The following FRAS1 variants were observed in gnomAD, a reference collection of about 807,000 sequenced individuals.
FRAS1 encodes Fraser extracellular matrix complex subunit 1.
In FRAS1, 290 loss-of-function variants were observed where a neutral mutation model predicts 435.2. The observed-to-expected ratio is 0.67, with a 90% CI of 0.61 to 0.73. FRAS1 has a LOEUF of 0.73. Among genes scored for constraint, FRAS1 ranks in the 30% least tolerant of loss-of-function variants. The pLI is 0.00. For synonymous variants in FRAS1, 1,800 were observed against 1,851.0 expected (o/e 0.97, Z 0.71); for missense variants, 4,860 against 5,001.5 (o/e 0.97, Z 0.85).
chr4:78,118,018 T>C (rs887444556), intron 2 of FRAS1, among the ~76,000 whole-genome samples: 2 of 152,266 alleles, frequency 1.3e-5, no homozygotes, highest in Admixed American at 1.3e-4. Context: ...GGTGTGGATG[T>C]CCTTTCTGTT....
intron 36 of FRAS1, 21 bp from the exon 37 acceptor site, chr4:78,430,271 G>T: frequency 6.2e-7 from 1 of 1,613,436 alleles, no homozygotes; most frequent in Non-Finnish European, 8.5e-7. Flanking sequence ...CTCTCACCAC[G>T]CTTCCTTCTC....
intron 59 of FRAS1, among the ~76,000 whole-genome samples, chr4:78,494,947 G>A (rs754545553): frequency 1.3e-5 from 2 of 152,148 alleles, no homozygotes; most frequent in Non-Finnish European, 2.9e-5. Flanking sequence ...TTTACAGAAT[G>A]TCACTAGAAG....
rs1033262845 is a variant in FRAS1, at chr4:78,421,996, C to T, written c.4674C>T (p.Phe1558=). The change falls in exon 34 of 74, where the codon TTC becomes TTT. Residue 1558 remains phenylalanine (F), a synonymous_variant. Coordinates refer to ENST00000512123, the MANE Select transcript of FRAS1 (RefSeq NM_025074.7). ...TCCAGGAGCTCATGGCCTTCTCGTT[C>T]GCTGGTAATGCTCTCCTCTCTGCTT... The part of the protein sequence containing the change: ...PHLQELMAFS[F]AGLPESVKFH... 8.1e-6 allele frequency: 13 copies of T among 1,610,340 alleles called. No homozygotes were observed. The highest frequency in any genetic ancestry group is 1.7e-5 in the Admixed American group (1 of 59,820).
intron 4 of FRAS1, among the ~76,000 whole-genome samples, 177 bp from the exon 5 acceptor site, chr4:78,252,215 C>CCTTTGA (rs1725565263): frequency 6.6e-6 from 1 of 152,036 alleles, no homozygotes; most frequent in Non-Finnish European, 1.5e-5. Flanking sequence ...TTTAAACTGG[C>CCTTTGA]CTTTGACTTG....
At chr4:78,501,493 T>A (rs933557031) in intron 61 of FRAS1, among the ~76,000 whole-genome samples, 8 of 152,186 alleles carry the variant, frequency 5.3e-5, no homozygotes, top group African/African-American at 1.9e-4. Context: ...GTAATGAGAT[T>A]GCTGGGTCAA....
chr4:78,118,422 C>T (rs1035680801), intron 2 of FRAS1, among the ~76,000 whole-genome samples: 1 of 152,148 alleles, frequency 6.6e-6, no homozygotes, highest in South Asian at 2.1e-4. Context: ...CTATGACCTG[C>T]CCCCAGAGGT....
At position 78,411,491 on chromosome 4, in the gene FRAS1, C is replaced by G. The variant is rs115252741; in HGVS notation, c.4309-1478C>G. On this transcript the variant is annotated intron_variant, in intron 31 of 73. Coordinates refer to ENST00000512123, the MANE Select transcript of FRAS1 (RefSeq NM_025074.7). Reference sequence around the variant, plus strand: ...GTGGCTCCCATCTGTTACTTTGCATCTAAGATTTGGGACATATGTAATGCC... The same window carrying G: ...GTGGCTCCCATCTGTTACTTTGCATGTAAGATTTGGGACATATGTAATGCC... Among the ~76,000 whole-genome samples, 1,387 of 152,232 alleles carry G rather than the reference C, an allele frequency of 9.1e-3. 22 individuals are homozygous for G. The highest frequency in any genetic ancestry group is 0.032 in the African/African-American group (1,331 of 41,524).
intron 47 of FRAS1, among the ~76,000 whole-genome samples, chr4:78,457,844 A>G (rs140370996): frequency 5.3e-5 from 8 of 152,330 alleles, no homozygotes; most frequent in Admixed American, 2.6e-4. Flanking sequence ...CAAAAAAGGT[A>G]AGCCACCTTT....
intron 10 of FRAS1, among the ~76,000 whole-genome samples, chr4:78,280,321 C>T (rs551225739): frequency 5.9e-4 from 90 of 152,164 alleles, no homozygotes; most frequent in African/African-American, 1.9e-3. Flanking sequence ...GAATAACTGG[C>T]GGGTGGCATC....
chr4:78,322,421 G>A (rs996922856), intron 18 of FRAS1, among the ~76,000 whole-genome samples: 1 of 152,086 alleles, frequency 6.6e-6, no homozygotes, highest in Admixed American at 6.6e-5. Context: ...CACTATTGAG[G>A]GTTTCTTTTA....
intron 3 of FRAS1, among the ~76,000 whole-genome samples, chr4:78,242,056 C>T (rs1195910697): frequency 1.3e-5 from 2 of 152,116 alleles, no homozygotes; most frequent in Non-Finnish European, 2.9e-5. Flanking sequence ...ATGATCCAAC[C>T]ATAAGAAACT....
At chr4:78,413,926 TC>T (rs980383693) in intron 32 of FRAS1, among the ~76,000 whole-genome samples, 2 of 152,078 alleles carry the variant, frequency 1.3e-5, no homozygotes, top group Admixed American at 1.3e-4. Context: ...AAACCCCTCT[TC>T]CAGACAGAGC....
intron 18 of FRAS1, among the ~76,000 whole-genome samples, chr4:78,329,310 C>T (rs1729841525): frequency 6.6e-6 from 1 of 152,232 alleles, no homozygotes; most frequent in Non-Finnish European, 1.5e-5. Context: ...AATCTGGATT[C>T]CGGTAACTTT....
chr4:78,501,099 A>T (rs2867450), intron 61 of FRAS1, among the ~76,000 whole-genome samples: 2 of 151,952 alleles, frequency 1.3e-5, no homozygotes. Context: ...TATTCCTCCC[A>T]GTGCTATCCC....
At chr4:78,153,063 C>G (rs899849458) in intron 2 of FRAS1, among the ~76,000 whole-genome samples, 2 of 152,092 alleles carry the variant, frequency 1.3e-5, no homozygotes, top group Admixed American at 1.3e-4. Context: ...ATTTGTGTTC[C>G]TGTCCCACCC....
rs1350722081 is a variant in FRAS1 at position 78,544,006 on chromosome 4, A to G, written c.*2882A>G. ...CTCCTAGAGGACTCCTGCAGATTCT[A>G]TTGTTGGGTGGGAAATAGTGTTGGA... On this transcript the variant is annotated 3_prime_UTR_variant, in exon 74 of 74. Transcript: ENST00000512123. 1.3e-5 allele frequency: 2 copies of G among 152,514 alleles called. No homozygotes were observed. The highest frequency in any genetic ancestry group is 2.4e-5 in the African/African-American group (1 of 41,416). 9.4% of individuals were successfully genotyped at this position (152,514 alleles called of 1,614,324 possible).
At chr4:78,476,989 T>TA (rs11355533) in intron 54 of FRAS1, among the ~76,000 whole-genome samples, 5 of 143,292 alleles carry the variant, frequency 3.5e-5, no homozygotes, top group South Asian at 4.4e-4. Context: ...TCTTTCTTTT[T>TA]AAAAAAAAAA....
intron 2 of FRAS1, among the ~76,000 whole-genome samples, chr4:78,200,938 C>T (rs975930734): frequency 3.2e-4 from 44 of 137,860 alleles, no homozygotes; most frequent in African/African-American, 1.4e-3. Context: ...ATATATTTAT[C>T]TTCAAATATG....
chr4:78,378,513 GACT>G (rs1731874817), intron 26 of FRAS1, among the ~76,000 whole-genome samples: 1 of 152,078 alleles, frequency 6.6e-6, no homozygotes, highest in South Asian at 2.1e-4. Context: ...TTTCCCAAGT[GACT>G]ACACCATTTT....
Sources: gnomAD v4.1 joint callset for allele counts (sites outside exome capture counted in the v4.1 genomes callset) on GRCh38, gnomAD v4.1.1 for gene constraint, MANE v1.5 for transcripts, NCBI Gene and HGNC (gene_info 2026-07-23, HGNC 2026-07-21) for gene names.